ATP2A3: variants seen among roughly 807,000 people sequenced by gnomAD.
The protein encoded by ATP2A3 is sarcoplasmic/endoplasmic reticulum calcium ATPase 3.
Under a neutral mutation model 106.8 loss-of-function variants are expected in ATP2A3, and 61 were observed. The ratio of observed to expected loss-of-function variants is 0.57; its 90% CI spans 0.46 to 0.71. The LOEUF is 0.71. Ranked by LOEUF, ATP2A3 falls within the 30% of genes least tolerant of loss-of-function variation. The pLI is 0.00. For missense variants in ATP2A3, 1,201 were observed against 1,423.5 expected (o/e 0.84, Z 2.52); for synonymous variants, 611 against 609.3 (o/e 1.00, Z -0.04).
At chr17:3,927,804 CTATT>C (rs2052795061) in intron 20 of ATP2A3, 1 of 985,388 alleles carries the variant, frequency 1.0e-6, no homozygotes, top group Admixed American at 6.1e-5. Flanking sequence ...GACGCGTGAT[CTATT>C]TATAGTCCCT....
chr17:3,944,239 T>G (rs1042052542), intron 10 of ATP2A3, among the ~76,000 whole-genome samples: 8 of 152,198 alleles, frequency 5.3e-5, no homozygotes, highest in Admixed American at 5.2e-4. Context: ...CTCAAAACTC[T>G]TCGTTGGTGC....
At chr17:3,952,345 C>T (rs1394797658) in intron 3 of ATP2A3, among the ~76,000 whole-genome samples, 2 of 152,192 alleles carry the variant, frequency 1.3e-5, no homozygotes, top group Admixed American at 1.3e-4. Context: ...GCTAGGATTA[C>T]AGGCATGCGC....
intron 12 of ATP2A3, 102 bp downstream of exon 12, chr17:3,942,504 A>T: frequency 6.6e-7 from 1 of 1,509,280 alleles, no homozygotes; most frequent in African/African-American, 1.4e-5. Flanking sequence ...CTTGTAACCC[A>T]ACCCTGCCAT....
intron 12 of ATP2A3, 78 bp downstream of exon 12, chr17:3,942,528 C>T (rs1222833111): frequency 7.6e-6 from 12 of 1,569,516 alleles, no homozygotes; most frequent in Non-Finnish European, 1.0e-5. Context: ...CACGGGAGGA[C>T]TGGGGCTCAC....
In ATP2A3 at chr17:3,931,647, A is replaced by G. The variant is rs868622105; in HGVS notation, c.2611-1213T>C. Among the ~76,000 whole-genome samples, 76 of 150,974 alleles carry G rather than the reference A, an allele frequency of 5.0e-4. 1 individual carries two copies. Among genetic ancestry groups the G allele is most frequent in the Admixed American group, 2.6e-3 (39 of 15,116 alleles). ...CGCCATTCTCCTGCCTCAGCCTCCC[A>G]AGTAGCTGGGACTACAGGCGCCCGC... On this transcript the variant is annotated intron_variant, in intron 17 of 20. Transcript: ENST00000397041.
At position 3,953,275 on chromosome 17, in the gene ATP2A3, G is replaced by A. The variant is rs2054560362; in HGVS notation, c.219+72C>T. ...GACAGGCCCAGGCTCCAGGACCTCG[G>A]AGCACTGCCCAGCCTGGCTCTCCCT... On this transcript the variant is annotated intron_variant, in intron 3 of 20. Coordinates refer to ENST00000397041, the MANE Select transcript of ATP2A3 (RefSeq NM_005173.4). The surrounding 1 kb of genome is among the most constrained non-coding windows in gnomAD (Gnocchi z 5.1). 1.9e-6 allele frequency: 3 copies of A among 1,539,592 alleles called. No individual in the cohort carries two copies. The South Asian group carries it at 3.4e-5, about 17-fold the overall frequency.
intron 14 of ATP2A3, among the ~76,000 whole-genome samples, chr17:3,939,230 C>G (rs957715028): frequency 6.6e-6 from 1 of 152,048 alleles, no homozygotes; most frequent in Non-Finnish European, 1.5e-5. Context: ...AAAGTCAGCA[C>G]AGAGGTCAAA....
intron 14 of ATP2A3, among the ~76,000 whole-genome samples, chr17:3,939,916 ACT>A (rs1252046069): frequency 1.3e-5 from 2 of 150,292 alleles, no homozygotes; most frequent in African/African-American, 4.9e-5. Flanking sequence ...GGCAGATAAA[ACT>A]CATATACGGT....
intron 14 of ATP2A3, among the ~76,000 whole-genome samples, chr17:3,939,563 C>A (rs549996447): frequency 6.6e-6 from 1 of 151,656 alleles, no homozygotes; most frequent in African/African-American, 2.4e-5. Flanking sequence ...CTGAGGCGGG[C>A]GGATCACAAG....
chr17:3,955,610 C>T lies in ATP2A3; in HGVS notation c.119-1900G>A, dbSNP rs960242974. 1.3e-5 allele frequency among the ~76,000 whole-genome samples: 2 copies of T among 152,220 alleles called. No homozygotes were observed. The highest frequency in any genetic ancestry group is 6.5e-5 in the Admixed American group (1 of 15,280). On this transcript the variant is annotated intron_variant, in intron 1 of 20. Transcript: ENST00000397041. This position sits in a 1 kb window ranked among gnomAD's most constrained non-coding sequence, Gnocchi z 4.2. Reference sequence around the variant, plus strand: ...GCCAATTCTCCAATGGAGCAGTGTGCTTTCGAGGTCACCCCAGCCATGCCC... The same window carrying T: ...GCCAATTCTCCAATGGAGCAGTGTGTTTTCGAGGTCACCCCAGCCATGCCC...
intron 3 of ATP2A3, among the ~76,000 whole-genome samples, chr17:3,952,667 G>A (rs1461009023): frequency 1.3e-5 from 2 of 152,144 alleles, no homozygotes; most frequent in Admixed American, 1.3e-4. Flanking sequence ...ACGGCTCACT[G>A]CAGCTCCATC....
chr17:3,937,358 C>T (rs955201251), intron 15 of ATP2A3, 58 bp downstream of exon 15: 2 of 1,566,330 alleles, frequency 1.3e-6, no homozygotes, highest in African/African-American at 1.4e-5. Flanking sequence ...GCGTTTTCCC[C>T]ATCTCAGGGG....
chr17:3,928,779 A>T lies in ATP2A3; in HGVS notation c.2864T>A (p.Leu955His), dbSNP rs1461888037. The T allele has an allele frequency of 6.4e-7, 1 of 1,553,880 alleles. No homozygotes were observed. Among genetic ancestry groups the T allele is most frequent in the South Asian group, 1.2e-5 (1 of 84,302 alleles). ...GCTCAGTGGGGTCACCTGGAAAATG[A>T]GCTGGCGGGGAGGGGAAGGGAGGTT... ...FLILLVPPLPLIFQVTPLSGR... is the reference protein window; with the variant it reads ...FLILLVPPLPHIFQVTPLSGR... Residue 955 changes from leucine (L) to histidine (H), a missense_variant and splice_region_variant, in exon 20 of 21, where the codon CTC becomes CAC. Physicochemically the swap from Leu to His is moderately conservative, Grantham distance 99 (BLOSUM62 -3). Around this residue, in one of 2 missense-constraint regions of ATP2A3, gnomAD observed 935 missense variants for 1,176.7 expected, o/e 0.79. Coordinates refer to ENST00000397041, the MANE Select transcript of ATP2A3 (RefSeq NM_005173.4). The surrounding 1 kb of genome is among the most constrained non-coding windows in gnomAD (Gnocchi z 6.1).
chr17:3,947,724 G>A lies in ATP2A3; in HGVS notation c.762C>T (p.Asp254=), dbSNP rs754748160. ...PERTPLQRKL[D]EFGRQLSHAI... The stretch of plus-strand genomic sequence containing the variant: ...CGTGGGACAGCTGCCGTCCAAACTC[G>A]TCCAGCTTGCGCTGCAGCGGCGTCC... The change falls in exon 8 of 21, where the codon GAC becomes GAT. Residue 254 remains aspartate (D), a synonymous_variant. Coordinates refer to ENST00000397041, the MANE Select transcript of ATP2A3 (RefSeq NM_005173.4). The surrounding 1 kb of genome is among the most constrained non-coding windows in gnomAD (Gnocchi z 7.7). 18 of 1,610,254 alleles carry A rather than the reference G, an allele frequency of 1.1e-5. No individual in the cohort carries two copies. The highest frequency in any genetic ancestry group is 1.6e-4 in the Middle Eastern group (1 of 6,084).
rs189750179 is a variant in ATP2A3, at chr17:3,952,169, T to C, written c.220-484A>G. Among the ~76,000 whole-genome samples, 72 of 151,954 alleles carry C rather than the reference T, an allele frequency of 4.7e-4. 3 individuals are homozygous for C. Among genetic ancestry groups the C allele is most frequent in the African/African-American group, 1.6e-3 (66 of 41,460 alleles). On this transcript the variant is annotated intron_variant, in intron 3 of 20. Coordinates refer to ENST00000397041, the MANE Select transcript of ATP2A3 (RefSeq NM_005173.4). ...GCTGGATCTTGGCTCACTGCAACCT[T>C]TGCCTCCCAGGTTCAAGCAATTCTC...
chr17:3,958,474 C>G (rs1235598300), intron 1 of ATP2A3, among the ~76,000 whole-genome samples: 1 of 152,060 alleles, frequency 6.6e-6, no homozygotes, highest in Admixed American at 6.6e-5. Flanking sequence ...AGAATAAAGA[C>G]CAACTTTAGC....
intron 1 of ATP2A3, among the ~76,000 whole-genome samples, chr17:3,957,311 A>T (rs2054839886): frequency 6.6e-6 from 1 of 152,202 alleles, no homozygotes; most frequent in Non-Finnish European, 1.5e-5. Flanking sequence ...TTTTGAGCTC[A>T]GGCAGTCTGG....
rs544563909 is a variant in ATP2A3 at position 3,946,890 on chromosome 17, TG to T, written c.1095+500del. Among the ~76,000 whole-genome samples, 724 of 152,352 alleles carry T rather than the reference TG, an allele frequency of 4.8e-3. 2 individuals carry two copies. The highest frequency in any genetic ancestry group is 8.3e-3 in the Non-Finnish European group (567 of 68,022). ...TCTCAGCCAGAATCCCTTGGCCGTGTGGGCAGTGAGCCCAGGATGTGGGATG... is the reference window on the plus strand; with the variant it reads ...TCTCAGCCAGAATCCCTTGGCCGTGTGGCAGTGAGCCCAGGATGTGGGATG... On this transcript the variant is annotated intron_variant, in intron 8 of 20. Coordinates refer to ENST00000397041, the MANE Select transcript of ATP2A3 (RefSeq NM_005173.4).
At chr17:3,951,543 A>ACCCCCCCCCCC in intron 4 of ATP2A3, 38 bp downstream of exon 4, 1 of 1,387,008 alleles carries the variant, frequency 7.2e-7, no homozygotes, top group Admixed American at 2.0e-5. Context: ...TGGCTGGGAG[A>ACCCCCCCCCCC]CCGCCCCCCG....
Sources: gnomAD v4.1 joint callset for allele counts (sites outside exome capture counted in the v4.1 genomes callset) on GRCh38, gnomAD v4.1.1 for gene constraint, gnomAD v4.1.1 regional missense constraint, Gnocchi (gnomAD v3.1) non-coding constraint, MANE v1.5 for transcripts, NCBI Gene and HGNC (gene_info 2026-07-23, HGNC 2026-07-21) for gene names.